The following XPR1 variants were observed in gnomAD, a reference collection of about 807,000 sequenced individuals.
The protein encoded by XPR1 is solute carrier family 53 member 1.
A neutral mutation model predicts 87.5 loss-of-function variants in XPR1; 28 were observed. That is an observed-to-expected ratio of 0.32 (90% CI 0.24 to 0.44). XPR1 has a LOEUF of 0.44. Among genes scored for constraint, XPR1 ranks in the 20% least tolerant of loss-of-function variants. The probability of loss-of-function intolerance (pLI) is 1.00; values close to 1 mark genes in which losing one functional copy is unlikely to be tolerated. For missense variants in XPR1, 559 were observed against 862.3 expected, an observed-to-expected ratio of 0.65 and a Z score of 4.41; for synonymous variants, 300 against 306.1, an observed-to-expected ratio of 0.98 and a Z score of 0.21.
chr1:180,801,162 T>C (rs1249500715), intron 3 of XPR1, among the ~76,000 whole-genome samples: 1 of 152,256 alleles, frequency 6.6e-6, no homozygotes, highest in Non-Finnish European at 1.5e-5. Context: ...GATCATTGAA[T>C]GTGCATTGCA....
intron 1 of XPR1, among the ~76,000 whole-genome samples, chr1:180,665,676 C>T (rs1042541540): frequency 2.0e-5 from 3 of 152,202 alleles, no homozygotes; most frequent in African/African-American, 7.2e-5. Context: ...GCTGCACTCT[C>T]CCTCCCTCAA....
rs1436075896 is a variant in XPR1 at position 180,890,207 on chromosome 1, C to G, written c.*6141C>G. On this transcript the variant is annotated 3_prime_UTR_variant, in exon 15 of 15. Coordinates refer to ENST00000367590, the MANE Select transcript of XPR1 (RefSeq NM_004736.4). ...AGAAAATAAGTGATTGGTCACTAAA[C>G]TCTGTCCTTTTTTCATTATTACAAT... is the stretch of plus-strand genomic sequence containing the variant. 1 of 152,166 alleles carries G rather than the reference C, an allele frequency of 6.6e-6. No homozygotes were observed. Among genetic ancestry groups the G allele is most frequent in the Admixed American group, 6.5e-5 (1 of 15,274 alleles). The allele number at this position is 152,166 out of a possible 1,614,324, so 9.4% of individuals were successfully genotyped here.
intron 1 of XPR1, among the ~76,000 whole-genome samples, chr1:180,677,836 C>G (rs1010374550): frequency 1.3e-5 from 2 of 152,114 alleles, no homozygotes; most frequent in African/African-American, 4.8e-5. Context: ...TGGTCTATGC[C>G]CTGGAATGAA....
At chr1:180,765,679 T>C (rs1648257916) in intron 2 of XPR1, among the ~76,000 whole-genome samples, 1 of 152,250 alleles carries the variant, frequency 6.6e-6, no homozygotes, top group Non-Finnish European at 1.5e-5. Context: ...CCTTATGCAA[T>C]GTAAATACTA....
At chr1:180,705,913 T>C (rs2101976752) in intron 2 of XPR1, among the ~76,000 whole-genome samples, 1 of 152,244 alleles carries the variant, frequency 6.6e-6, no homozygotes, top group South Asian at 2.1e-4. Flanking sequence ...GAATGACTAA[T>C]GGAGAAAAAG....
chr1:180,861,936 G>A (rs1652235260), intron 11 of XPR1, among the ~76,000 whole-genome samples: 1 of 151,984 alleles, frequency 6.6e-6, no homozygotes. Context: ...TTTCCATCAT[G>A]CAAGTACAAT....
At chr1:180,753,416 C>A (rs1048745753) in intron 2 of XPR1, among the ~76,000 whole-genome samples, 2 of 151,970 alleles carry the variant, frequency 1.3e-5, no homozygotes, top group Admixed American at 1.3e-4. Flanking sequence ...GTTAGCTGGG[C>A]ATGGTGGTGC....
At chr1:180,673,938 CAT>C (rs1257369450) in intron 1 of XPR1, among the ~76,000 whole-genome samples, 13 of 152,148 alleles carry the variant, frequency 8.5e-5, no homozygotes, top group African/African-American at 2.9e-4. Context: ...AGAACTGAGA[CAT>C]ATCTCATGCA....
At chr1:180,635,591 A>G (rs960313482) in intron 1 of XPR1, among the ~76,000 whole-genome samples, 3 of 152,152 alleles carry the variant, frequency 2.0e-5, no homozygotes, top group Non-Finnish European at 4.4e-5. Flanking sequence ...AGGTTTCTAA[A>G]TTACAGGATT....
chr1:180,686,649 T>C (rs1238524949), intron 2 of XPR1, among the ~76,000 whole-genome samples: 1 of 152,048 alleles, frequency 6.6e-6, no homozygotes, highest in Non-Finnish European at 1.5e-5. Context: ...AAAATGAGAG[T>C]TGAGTGCAAA....
chr1:180,785,042 T>TGTGTGA (rs1354721020), intron 2 of XPR1, among the ~76,000 whole-genome samples: 1 of 151,308 alleles, frequency 6.6e-6, no homozygotes, highest in Non-Finnish European at 1.5e-5. Flanking sequence ...TGTGTGTGTG[T>TGTGTGA]GTGTTACTAT....
At position 180,714,430 on chromosome 1, in the gene XPR1, C is replaced by G. The variant is rs932893653; in HGVS notation, c.121+32019C>G. On this transcript the variant is annotated intron_variant, in intron 2 of 14. Coordinates refer to ENST00000367590, the MANE Select transcript of XPR1 (RefSeq NM_004736.4). ...CGTCTGTCTGTCTGTCTGTCTGTCT[C>G]GTCTCATCTTGTTGCCCAGGCTGGA... is the stretch of plus-strand genomic sequence containing the variant. 2.8e-5 allele frequency among the ~76,000 whole-genome samples: 4 copies of G among 145,158 alleles called. No homozygotes were observed. The South Asian group carries it at 6.5e-4, about 24-fold the overall frequency.
At chr1:180,881,265 G>A (rs953672362) in intron 14 of XPR1, among the ~76,000 whole-genome samples, 6 of 152,012 alleles carry the variant, frequency 3.9e-5, no homozygotes, top group African/African-American at 1.5e-4. Flanking sequence ...CTGGGTTCAC[G>A]CCATTCTCCT....
At chr1:180,728,093 C>G (rs188053101) in intron 2 of XPR1, among the ~76,000 whole-genome samples, 4 of 152,254 alleles carry the variant, frequency 2.6e-5, no homozygotes, top group African/African-American at 4.8e-5. Flanking sequence ...TGGAGTTGCT[C>G]TGGTTCACAC....
intron 2 of XPR1, among the ~76,000 whole-genome samples, chr1:180,695,408 T>TTGTGTG (rs1205037869): frequency 0.41 from 60,864 of 148,316 alleles, 12,499 homozygotes; most frequent in East Asian, 0.5. Context: ...GTAGTCCCAT[T>TTGTGTG]TGTGTGTGTG....
At chr1:180,784,177 T>A (rs184141637) in intron 2 of XPR1, among the ~76,000 whole-genome samples, 2 of 152,198 alleles carry the variant, frequency 1.3e-5, no homozygotes, top group Admixed American at 6.6e-5. Context: ...ATTGCCAAAT[T>A]GTCTTCCTAA....
chr1:180,801,434 A>G (rs1383468633), intron 3 of XPR1, among the ~76,000 whole-genome samples: 1 of 152,236 alleles, frequency 6.6e-6, no homozygotes, highest in Non-Finnish European at 1.5e-5. Flanking sequence ...GGAAAGAGGA[A>G]TGGAAACATG....
intron 1 of XPR1, among the ~76,000 whole-genome samples, chr1:180,640,836 G>A (rs73047691): frequency 0.043 from 6,517 of 152,238 alleles, 495 homozygotes; most frequent in African/African-American, 0.15. Context: ...GCTGTTTGCT[G>A]TGCTACAGTT....
intron 3 of XPR1, among the ~76,000 whole-genome samples, chr1:180,789,202 C>T (rs1649288796): frequency 6.6e-6 from 1 of 152,178 alleles, no homozygotes; most frequent in Admixed American, 6.5e-5. Flanking sequence ...ATTTCTGCCA[C>T]TCCTATTTGT....
Sources: allele counts gnomAD v4.1 joint callset (sites outside exome capture counted in the v4.1 genomes callset), GRCh38; gene constraint gnomAD v4.1.1; transcripts MANE v1.5; gene names NCBI Gene and HGNC (gene_info 2026-07-23, HGNC 2026-07-21).